VIT: variants seen among roughly 807,000 people sequenced by gnomAD.
VIT encodes the protein vitrin.
Under a neutral mutation model 78.0 loss-of-function variants are expected in VIT, and 99 were observed. That is an observed-to-expected ratio of 1.27 (90% confidence interval 1.08 to 1.50). VIT has a LOEUF of 1.50. VIT is among the 40% of genes most tolerant of loss of function. VIT has a pLI of 0.00. For synonymous variants in VIT, 374 were observed against 334.3 expected (o/e 1.12, Z -1.29); for missense variants, 1,126 against 875.3 (o/e 1.29, Z -3.61).
chr2:36,751,095 A>G (rs1668432855), intron 4 of VIT, among the ~76,000 whole-genome samples: 1 of 152,170 alleles, frequency 6.6e-6, no homozygotes, highest in African/African-American at 2.4e-5. Context: ...CCCCGTCTCT[A>G]CTAAATACAA....
intron 1 of VIT, among the ~76,000 whole-genome samples, chr2:36,704,611 T>C (rs947525486): frequency 1.3e-5 from 2 of 152,172 alleles, no homozygotes; most frequent in African/African-American, 4.8e-5. Context: ...TAAATGACTC[T>C]GTTTCTACTG....
At chr2:36,717,622 G>A (rs1215061692) in intron 2 of VIT, among the ~76,000 whole-genome samples, 1 of 152,116 alleles carries the variant, frequency 6.6e-6, no homozygotes, top group Non-Finnish European at 1.5e-5. Flanking sequence ...TCAACTAGAA[G>A]TGCTCAACTG....
intron 14 of VIT, among the ~76,000 whole-genome samples, chr2:36,807,384 CCT>C (rs1339544572): frequency 2.6e-5 from 4 of 152,178 alleles, no homozygotes; most frequent in Non-Finnish European, 4.4e-5. Flanking sequence ...CCCAGCACCG[CCT>C]CTGTCTCCTG....
intron 3 of VIT, among the ~76,000 whole-genome samples, chr2:36,738,436 G>C (rs1572447630): frequency 1.5e-5 from 2 of 133,026 alleles, no homozygotes; most frequent in Admixed American, 7.5e-5. Context: ...ACCTATATTA[G>C]GGTCCTTTGT....
intron 4 of VIT, among the ~76,000 whole-genome samples, chr2:36,750,641 T>C (rs1045971311): frequency 4.0e-5 from 6 of 151,492 alleles, no homozygotes; most frequent in African/African-American, 1.5e-4. Context: ...GCCAACATGG[T>C]GAAACCCCGT....
intron 2 of VIT, among the ~76,000 whole-genome samples, chr2:36,727,225 C>T (rs1385804690): frequency 6.6e-6 from 1 of 152,154 alleles, no homozygotes; most frequent in Non-Finnish European, 1.5e-5. Context: ...CTTTCCCAGA[C>T]AGCCTCTCTT....
chr2:36,711,843 A>C (rs1665818918), intron 1 of VIT, among the ~76,000 whole-genome samples: 1 of 152,222 alleles, frequency 6.6e-6, no homozygotes, highest in African/African-American at 2.4e-5. Flanking sequence ...GTGCTAAACC[A>C]CTTACACTAA....
chr2:36,707,211 C>A (rs928244572), intron 1 of VIT, among the ~76,000 whole-genome samples: 1 of 152,174 alleles, frequency 6.6e-6, no homozygotes, highest in East Asian at 1.9e-4. Context: ...AACAGACAGT[C>A]CAGGGGCAGG....
intron 12 of VIT, among the ~76,000 whole-genome samples, chr2:36,797,734 G>T (rs1038526059): frequency 6.6e-6 from 1 of 152,170 alleles, no homozygotes; most frequent in Non-Finnish European, 1.5e-5. Flanking sequence ...AATCTCCCAG[G>T]GATGTGCATA....
At chr2:36,782,703 C>T (rs927291736) in intron 10 of VIT, among the ~76,000 whole-genome samples, 1 of 152,184 alleles carries the variant, frequency 6.6e-6, no homozygotes, top group Admixed American at 6.5e-5. Context: ...TAAAGACACC[C>T]CCTTCCCCAA....
At chr2:36,755,134 G>C (rs1668688284) in intron 5 of VIT, 80 bp downstream of exon 5, 3 of 1,423,246 alleles carry the variant, frequency 2.1e-6, no homozygotes, top group African/African-American at 1.4e-5. Context: ...GTTGGTTTTT[G>C]TTTATGGCCC....
intron 7 of VIT, 110 bp from the exon 8 acceptor site, chr2:36,773,681 A>T: frequency 1.1e-6 from 1 of 934,352 alleles, no homozygotes; most frequent in Non-Finnish European, 1.4e-6. Flanking sequence ...CTGAGATCGC[A>T]CCACTGCACT....
chr2:36,812,257 C>T (rs1029346339), intron 15 of VIT, among the ~76,000 whole-genome samples: 1 of 152,114 alleles, frequency 6.6e-6, no homozygotes, highest in African/African-American at 2.4e-5. Context: ...GAGGTATGCA[C>T]GGCTCTCCCA....
intron 12 of VIT, chr2:36,787,894 C>A (rs1409322783): frequency 4.4e-6 from 2 of 451,468 alleles, no homozygotes; most frequent in African/African-American, 4.0e-5. Flanking sequence ...CTTTCGCCAA[C>A]CTGCTCTATT....
At chr2:36,787,749 G>A (rs1366482972) in intron 12 of VIT, 1 of 438,478 alleles carries the variant, frequency 2.3e-6, no homozygotes, top group Non-Finnish European at 4.5e-6. Context: ...AGAACATGGT[G>A]CTTTAGGTTG....
intron 2 of VIT, among the ~76,000 whole-genome samples, chr2:36,729,037 A>AT (rs1323320890): frequency 2.6e-5 from 4 of 151,960 alleles, no homozygotes; most frequent in African/African-American, 7.3e-5. Context: ...TTTATACTGT[A>AT]TTTTTACTAT....
chr2:36,792,549 A>G (rs1411258952), intron 12 of VIT, among the ~76,000 whole-genome samples: 1 of 152,112 alleles, frequency 6.6e-6, no homozygotes, highest in Non-Finnish European at 1.5e-5. Context: ...AGAGAAGCAG[A>G]TGGGCACCCT....
At chr2:36,760,031 T>C (rs1002733163) in intron 6 of VIT, among the ~76,000 whole-genome samples, 5 of 151,134 alleles carry the variant, frequency 3.3e-5, no homozygotes, top group African/African-American at 4.9e-5. Context: ...AGTTTCACTC[T>C]GTTGCCAGGC....
chr2:36,735,768 C>T (rs1667476693), intron 3 of VIT, among the ~76,000 whole-genome samples: 1 of 152,214 alleles, frequency 6.6e-6, no homozygotes, highest in South Asian at 2.1e-4. Context: ...CATTGTGTCT[C>T]CATCACTCTT....
Sources: gnomAD v4.1 joint callset for allele counts (sites outside exome capture counted in the v4.1 genomes callset) on GRCh38, gnomAD v4.1.1 for gene constraint, MANE v1.5 for transcripts, NCBI Gene and HGNC (gene_info 2026-07-23, HGNC 2026-07-21) for gene names.